Variants in TBC1D5 observed in about 807,000 individuals in gnomAD.
TBC1D5 encodes the protein TBC1 domain family, member 5.
TBC1D5 carries 75 observed loss-of-function variants against 100.3 expected under a neutral mutation model. That is an observed-to-expected ratio of 0.75 (90% CI 0.62 to 0.91). The LOEUF (loss-of-function observed/expected upper bound fraction) is 0.91. Among genes scored for constraint, TBC1D5 ranks in the 40% least tolerant of loss-of-function variants. The pLI is 0.00. For synonymous variants in TBC1D5, 323 were observed against 325.6 expected, an observed-to-expected ratio of 0.99 and a Z score of 0.09; for missense variants, 910 against 942.4, an observed-to-expected ratio of 0.97 and a Z score of 0.45.
chr3:17,274,983 G>A (rs976013927), intron 15 of TBC1D5, among the ~76,000 whole-genome samples: 4 of 152,106 alleles, frequency 2.6e-5, no homozygotes, highest in Non-Finnish European at 4.4e-5. Flanking sequence ...TGTCAAAAAA[G>A]TGAAAAATAA....
chr3:17,665,406 A>G (rs2153751572), intron 1 of TBC1D5, among the ~76,000 whole-genome samples: 1 of 152,324 alleles, frequency 6.6e-6, no homozygotes, highest in Admixed American at 6.5e-5. Flanking sequence ...CTTTAACATC[A>G]TTTTATTAGA....
chr3:17,268,808 C>T (rs2079081264), intron 15 of TBC1D5, among the ~76,000 whole-genome samples: 1 of 152,038 alleles, frequency 6.6e-6, no homozygotes, highest in Admixed American at 6.6e-5. Flanking sequence ...AGAGACCATT[C>T]GGGGGCTTGA....
intron 14 of TBC1D5, among the ~76,000 whole-genome samples, chr3:17,304,815 C>T (rs979651977): frequency 6.6e-6 from 1 of 152,162 alleles, no homozygotes; most frequent in South Asian, 2.1e-4. Flanking sequence ...TCTGCCCTGC[C>T]TCCAATGTCT....
chr3:17,532,343 C>G (rs185972919), intron 2 of TBC1D5, among the ~76,000 whole-genome samples: 2,265 of 152,274 alleles, frequency 0.015, 25 homozygotes, highest in Middle Eastern at 0.034. Flanking sequence ...ACAACAGGTG[C>G]TGGAGAGGAT....
At chr3:17,589,427 T>G (rs963490479) in intron 2 of TBC1D5, among the ~76,000 whole-genome samples, 4 of 152,186 alleles carry the variant, frequency 2.6e-5, no homozygotes, top group African/African-American at 9.7e-5. Context: ...GTGAGGTAAC[T>G]GAATCATGAG....
exon 22 of TBC1D5, chr3:17,160,865 A>T: frequency 7.1e-7 from 1 of 1,413,506 alleles, no homozygotes; most frequent in South Asian, 1.4e-5. Flanking sequence ...GGAAGGAAGC[A>T]GTGGTTTAAG....
intron 5 of TBC1D5, among the ~76,000 whole-genome samples, 167 bp downstream of exon 5, chr3:17,406,251 A>G (rs1419699586): frequency 4.6e-5 from 7 of 152,102 alleles, no homozygotes; most frequent in Non-Finnish European, 8.8e-5. Context: ...AGGTAGTTCA[A>G]CCTTATTAGT....
intron 1 of TBC1D5, among the ~76,000 whole-genome samples, chr3:17,646,090 A>G (rs1388058701): frequency 2.6e-5 from 4 of 152,144 alleles, no homozygotes; most frequent in African/African-American, 9.7e-5. Context: ...GGATGGGCCC[A>G]AACCCAATAT....
At chr3:17,282,186 T>C (rs972065180) in intron 15 of TBC1D5, among the ~76,000 whole-genome samples, 1 of 152,208 alleles carries the variant, frequency 6.6e-6, no homozygotes, top group African/African-American at 2.4e-5. Context: ...GTTGAATGAT[T>C]TCCCTGGGGG....
intron 1 of TBC1D5, among the ~76,000 whole-genome samples, chr3:17,702,010 G>A (rs566774973): frequency 6.6e-6 from 1 of 152,010 alleles, no homozygotes; most frequent in Non-Finnish European, 1.5e-5. Flanking sequence ...CCAAAACTGT[G>A]TTTAGTTTAT....
intron 13 of TBC1D5, among the ~76,000 whole-genome samples, chr3:17,348,881 A>G (rs1454515246): frequency 1.3e-5 from 2 of 152,200 alleles, no homozygotes; most frequent in African/African-American, 4.8e-5. Flanking sequence ...AAACACTAGA[A>G]TCTCTAAATT....
intron 21 of TBC1D5, among the ~76,000 whole-genome samples, chr3:17,162,187 C>G (rs1451926208): frequency 6.6e-6 from 1 of 152,338 alleles, no homozygotes; most frequent in African/African-American, 2.4e-5. Flanking sequence ...CTCACCCTGT[C>G]TGCCTACCCT....
chr3:17,215,823 C>G (rs1038363549), intron 17 of TBC1D5, among the ~76,000 whole-genome samples: 7 of 152,254 alleles, frequency 4.6e-5, no homozygotes, highest in Admixed American at 1.3e-4. Context: ...ACTTTATAGA[C>G]TAACATTCTC....
At chr3:17,276,354 T>C (rs1325543353) in intron 15 of TBC1D5, among the ~76,000 whole-genome samples, 1 of 152,148 alleles carries the variant, frequency 6.6e-6, no homozygotes, top group Non-Finnish European at 1.5e-5. Flanking sequence ...TTTCAACATC[T>C]GAATTTTGGG....
chr3:17,727,610 A>T (rs894101838), intron 1 of TBC1D5, among the ~76,000 whole-genome samples: 3 of 152,222 alleles, frequency 2.0e-5, no homozygotes, highest in Admixed American at 2.0e-4. Flanking sequence ...CTAGAAAAAC[A>T]CAAATTACCA....
At chr3:17,604,606 G>C (rs765956479) in intron 2 of TBC1D5, among the ~76,000 whole-genome samples, 2 of 152,190 alleles carry the variant, frequency 1.3e-5, no homozygotes, top group African/African-American at 2.4e-5. Context: ...TCAGCTGTAC[G>C]TAATTAAGAT....
intron 8 of TBC1D5, among the ~76,000 whole-genome samples, chr3:17,391,789 G>T (rs1285288298): frequency 6.6e-6 from 1 of 152,104 alleles, no homozygotes; most frequent in African/African-American, 2.4e-5. Flanking sequence ...GTGACAGAAA[G>T]TCTGGCAATG....
chr3:17,739,134 T>G (rs890767942), intron 1 of TBC1D5, among the ~76,000 whole-genome samples: 2 of 152,008 alleles, frequency 1.3e-5, no homozygotes, highest in Admixed American at 6.5e-5. Context: ...ACCTCACATT[T>G]CTCAAGTTCT....
At chr3:17,637,053 ACT>A (rs1289054646) in intron 1 of TBC1D5, among the ~76,000 whole-genome samples, 1 of 149,486 alleles carries the variant, frequency 6.7e-6, no homozygotes, top group Non-Finnish European at 1.5e-5. Flanking sequence ...ACGGAGTGTC[ACT>A]CTGTCGCCCA....
Sources: allele counts gnomAD v4.1 joint callset (sites outside exome capture counted in the v4.1 genomes callset), GRCh38; gene constraint gnomAD v4.1.1; transcripts MANE v1.5; gene names NCBI Gene and HGNC (gene_info 2026-07-23, HGNC 2026-07-21).